TENM4: variants seen among roughly 807,000 people sequenced by gnomAD.
The protein encoded by TENM4 is teneurin transmembrane protein 4.
A neutral mutation model predicts 243.3 loss-of-function variants in TENM4; 82 were observed. The ratio of observed to expected loss-of-function variants is 0.34; its 90% confidence interval spans 0.28 to 0.40. The LOEUF (loss-of-function observed/expected upper bound fraction) is 0.40, where lower values mean the gene tolerates loss of function less well. Ranked by LOEUF, TENM4 falls within the 10% of genes least tolerant of loss-of-function variation. The probability of loss-of-function intolerance (pLI) is 1.00; values close to 1 mark genes in which losing one functional copy is unlikely to be tolerated. For synonymous variants in TENM4, 1,412 were observed against 1,456.3 expected, an observed-to-expected ratio of 0.97 and a Z score of 0.69; for missense variants, 3,138 against 3,673.3, an observed-to-expected ratio of 0.85 and a Z score of 3.77.
At chr11:79,342,137 A>G (rs1857252197) in intron 1 of TENM4, among the ~76,000 whole-genome samples, 1 of 152,142 alleles carries the variant, frequency 6.6e-6, no homozygotes, top group East Asian at 1.9e-4. Context: ...ATTGCACCCC[A>G]CTAGAAAGTA....
chr11:79,069,681 T>C, intron 5 of TENM4, 41 bp downstream of exon 5: 1 of 1,521,872 alleles, frequency 6.6e-7, no homozygotes, highest in African/African-American at 1.4e-5. Context: ...TGAGCCAAGC[T>C]CACCTGCGCC....
At chr11:78,888,001 G>A (rs1293119933) in intron 9 of TENM4, among the ~76,000 whole-genome samples, 1 of 152,174 alleles carries the variant, frequency 6.6e-6, no homozygotes. Flanking sequence ...AGTGGTTGGT[G>A]GTGACATACT....
chr11:79,313,761 C>A (rs549651091), intron 1 of TENM4, among the ~76,000 whole-genome samples: 111 of 152,298 alleles, frequency 7.3e-4, no homozygotes, highest in Middle Eastern at 6.8e-3. Flanking sequence ...TTCTGTTTCC[C>A]TCCGCAAGCA....
intron 9 of TENM4, among the ~76,000 whole-genome samples, chr11:78,879,612 C>T (rs1246759966): frequency 2.1e-5 from 3 of 140,922 alleles, no homozygotes; most frequent in Non-Finnish European, 4.6e-5. Context: ...TGCCTCTGCC[C>T]GGCCGCCCCG....
intron 6 of TENM4, among the ~76,000 whole-genome samples, chr11:78,960,304 G>T (rs1857290468): frequency 6.6e-6 from 1 of 152,034 alleles, no homozygotes; most frequent in African/African-American, 2.4e-5. Context: ...CATGGAGAAT[G>T]CAGGGTGTAA....
At chr11:79,246,503 C>T (rs1428816076) in intron 2 of TENM4, among the ~76,000 whole-genome samples, 2 of 152,136 alleles carry the variant, frequency 1.3e-5, no homozygotes, top group Non-Finnish European at 2.9e-5. Context: ...TCATTTGTAA[C>T]AGTCAAACAC....
At chr11:79,421,097 G>A (rs925852414) in intron 1 of TENM4, among the ~76,000 whole-genome samples, 2 of 152,104 alleles carry the variant, frequency 1.3e-5, no homozygotes, top group Non-Finnish European at 2.9e-5. Context: ...CTCTCCCTTT[G>A]CTTTTCTCTT....
At chr11:78,982,257 C>T in intron 6 of TENM4, among the ~76,000 whole-genome samples, 1 of 152,048 alleles carries the variant, frequency 6.6e-6, no homozygotes, top group East Asian at 1.9e-4. Context: ...GCAGAGCCAC[C>T]CCTGTTCTTG....
intron 4 of TENM4, among the ~76,000 whole-genome samples, chr11:79,147,878 C>T (rs555156965): frequency 1.3e-5 from 2 of 152,196 alleles, no homozygotes; most frequent in South Asian, 4.2e-4. Flanking sequence ...ATTCCCAAGA[C>T]CTGGCCCATT....
intron 7 of TENM4, among the ~76,000 whole-genome samples, chr11:78,893,053 T>C (rs971656224): frequency 2.6e-5 from 4 of 152,230 alleles, no homozygotes; most frequent in African/African-American, 9.6e-5. Flanking sequence ...GGTACAGTGC[T>C]GAGTATGCAG....
At chr11:79,232,802 G>T (rs1864395839) in intron 2 of TENM4, among the ~76,000 whole-genome samples, 1 of 152,250 alleles carries the variant, frequency 6.6e-6, no homozygotes, top group African/African-American at 2.4e-5. Flanking sequence ...GTGAATCAGT[G>T]ATCTGGTTGG....
rs1858338036 is a variant in TENM4 at position 79,001,874 on chromosome 11, C to T, written c.493+62864G>A. Reference sequence around the variant, plus strand: ...AACCATGCCTGACCATTGGAGAGCTCCAGCAGAACATCCCCTGCCAATGTG... The same window carrying T: ...AACCATGCCTGACCATTGGAGAGCTTCAGCAGAACATCCCCTGCCAATGTG... On this transcript the variant is annotated intron_variant, in intron 6 of 33. Transcript: ENST00000278550. 2.0e-5 allele frequency among the ~76,000 whole-genome samples: 3 copies of T among 152,276 alleles called. No individual in the cohort carries two copies. In the South Asian group the frequency reaches 6.2e-4, roughly 32 times the overall value.
chr11:78,990,391 T>C (rs1191387448), intron 6 of TENM4, among the ~76,000 whole-genome samples: 5 of 152,014 alleles, frequency 3.3e-5, no homozygotes, highest in East Asian at 1.9e-4. Flanking sequence ...CTGAGAACAA[T>C]AGGACCGGAG....
rs78573612 is a variant in TENM4 at position 78,973,693 on chromosome 11, A to G, written c.494-70170T>C. On this transcript the variant is annotated intron_variant, in intron 6 of 33. Coordinates refer to ENST00000278550, the MANE Select transcript of TENM4 (RefSeq NM_001098816.3). ...ACATCAATGAACAAGTAAGCAAATA[A>G]CTATATAGAACAAGATCAAGTATGA... Among the ~76,000 whole-genome samples, 1,137 of 152,072 alleles carry G rather than the reference A, an allele frequency of 7.5e-3. 13 individuals carry two copies. The highest frequency in any genetic ancestry group is 0.026 in the African/African-American group (1,065 of 41,496).
intron 4 of TENM4, among the ~76,000 whole-genome samples, chr11:79,145,984 T>C (rs1428166378): frequency 2.6e-5 from 4 of 152,120 alleles, no homozygotes; most frequent in Non-Finnish European, 4.4e-5. Context: ...TACTGATTTA[T>C]AGGAGTTTCT....
chr11:79,187,561 G>A (rs1349598527), intron 3 of TENM4, among the ~76,000 whole-genome samples: 1 of 152,190 alleles, frequency 6.6e-6, no homozygotes, highest in Non-Finnish European at 1.5e-5. Context: ...GGACACTAGT[G>A]AGACTCTACA....
At chr11:78,846,271 T>C (rs777178372) in intron 12 of TENM4, among the ~76,000 whole-genome samples, 10 of 152,254 alleles carry the variant, frequency 6.6e-5, no homozygotes, top group Non-Finnish European at 1.2e-4. Flanking sequence ...TTACCACTTA[T>C]CATTATTTAT....
intron 1 of TENM4, among the ~76,000 whole-genome samples, chr11:79,389,913 T>C (rs1223181362): frequency 6.6e-6 from 1 of 152,238 alleles, no homozygotes; most frequent in Non-Finnish European, 1.5e-5. Flanking sequence ...CTAAAATATT[T>C]ACTACCTGGC....
At chr11:79,086,115 C>G (rs1348936131) in intron 4 of TENM4, among the ~76,000 whole-genome samples, 2 of 152,252 alleles carry the variant, frequency 1.3e-5, no homozygotes. Context: ...CCCACACTAA[C>G]TCTGGGGTTG....
Sources: allele counts gnomAD v4.1 joint callset (sites outside exome capture counted in the v4.1 genomes callset), GRCh38; gene constraint gnomAD v4.1.1; transcripts MANE v1.5; gene names NCBI Gene and HGNC (gene_info 2026-07-23, HGNC 2026-07-21).